SLC24A3: variants seen among roughly 807,000 people sequenced by gnomAD.
The protein encoded by SLC24A3 is solute carrier family 24 member 3.
Under a neutral mutation model 75.8 loss-of-function variants are expected in SLC24A3, and 28 were observed. That is an observed-to-expected ratio of 0.37 (90% CI 0.27 to 0.51). The LOEUF (loss-of-function observed/expected upper bound fraction) is 0.51, where lower values mean the gene tolerates loss of function less well. Ranked by LOEUF, SLC24A3 falls within the 20% of genes least tolerant of loss-of-function variation. The pLI, the probability that SLC24A3 is intolerant of heterozygous loss-of-function variation, is 0.94. For missense variants in SLC24A3, 663 were observed against 847.8 expected (o/e 0.78, Z 2.71); for synonymous variants, 372 against 334.1 (o/e 1.11, Z -1.24).
intron 1 of SLC24A3, among the ~76,000 whole-genome samples, chr20:19,240,449 C>T (rs1982298535): frequency 6.6e-6 from 1 of 152,194 alleles, no homozygotes; most frequent in Non-Finnish European, 1.5e-5. Flanking sequence ...TGACAGGGAA[C>T]TCCAGGGATA....
intron 3 of SLC24A3, among the ~76,000 whole-genome samples, chr20:19,566,455 A>G (rs1456183082): frequency 6.6e-6 from 1 of 152,110 alleles, no homozygotes; most frequent in Non-Finnish European, 1.5e-5. Flanking sequence ...CTCTGACAAC[A>G]CCAGGGACTC....
chr20:19,433,738 A>G (rs542637025), intron 2 of SLC24A3, among the ~76,000 whole-genome samples: 2 of 152,344 alleles, frequency 1.3e-5, no homozygotes, highest in South Asian at 4.1e-4. Context: ...AGCAATTTCA[A>G]AAGGTGAGTC....
intron 6 of SLC24A3, among the ~76,000 whole-genome samples, chr20:19,594,276 G>A (rs2031421938): frequency 6.6e-6 from 1 of 152,196 alleles, no homozygotes; most frequent in South Asian, 2.1e-4. Flanking sequence ...TCACCATGTA[G>A]GGAGTGACAG....
intron 2 of SLC24A3, among the ~76,000 whole-genome samples, chr20:19,455,840 T>C (rs1568623011): frequency 6.6e-6 from 1 of 152,238 alleles, no homozygotes; most frequent in Non-Finnish European, 1.5e-5. Context: ...GGAGGCTAAA[T>C]AATTAGAACT....
At chr20:19,524,145 C>T (rs898997355) in intron 3 of SLC24A3, among the ~76,000 whole-genome samples, 1 of 152,182 alleles carries the variant, frequency 6.6e-6, no homozygotes, top group Non-Finnish European at 1.5e-5. Flanking sequence ...CTTGGTAACA[C>T]ACCTTTATTA....
intron 2 of SLC24A3, among the ~76,000 whole-genome samples, chr20:19,455,060 A>G (rs986027604): frequency 1.3e-5 from 2 of 152,076 alleles, no homozygotes; most frequent in Non-Finnish European, 2.9e-5. Context: ...GTGTCCCCCA[A>G]TACCTAACCC....
At chr20:19,415,869 A>C (rs1348036507) in intron 2 of SLC24A3, among the ~76,000 whole-genome samples, 1 of 152,162 alleles carries the variant, frequency 6.6e-6, no homozygotes, top group African/African-American at 2.4e-5. Flanking sequence ...CTTAAATTAA[A>C]AGGAAAACTC....
intron 6 of SLC24A3, among the ~76,000 whole-genome samples, chr20:19,638,841 G>C (rs780782824): frequency 6.6e-6 from 1 of 152,152 alleles, no homozygotes; most frequent in Non-Finnish European, 1.5e-5. Context: ...GGAGTTGTTC[G>C]TTCCTCCCAG....
chr20:19,656,392 TG>T (rs2032266360), intron 7 of SLC24A3, among the ~76,000 whole-genome samples: 1 of 152,112 alleles, frequency 6.6e-6, no homozygotes, highest in Non-Finnish European at 1.5e-5. Flanking sequence ...AGGTTCATGC[TG>T]GAACTGAAGA....
intron 2 of SLC24A3, among the ~76,000 whole-genome samples, chr20:19,446,167 C>T (rs1987380318): frequency 3.9e-5 from 6 of 152,126 alleles, no homozygotes; most frequent in Admixed American, 3.9e-4. Flanking sequence ...AAGGGAAAGG[C>T]TGTAATGGCA....
chr20:19,270,424 G>A (rs186392402), intron 1 of SLC24A3, among the ~76,000 whole-genome samples: 245 of 152,300 alleles, frequency 1.6e-3, no homozygotes, highest in African/African-American at 5.5e-3. Flanking sequence ...CACAGATTTA[G>A]CAGCTTAAAA....
At chr20:19,318,241 C>A (rs1984628647) in intron 2 of SLC24A3, among the ~76,000 whole-genome samples, 1 of 152,236 alleles carries the variant, frequency 6.6e-6, no homozygotes, top group Non-Finnish European at 1.5e-5. Context: ...GCCTTTCCCC[C>A]TCTCTCTATT....
In SLC24A3 at chr20:19,489,728, G is replaced by A. The variant is rs1179790517; in HGVS notation, c.272-25760G>A. On this transcript the variant is annotated intron_variant, in intron 2 of 16. Transcript: ENST00000328041. ...GTGGCCCTGAGGATCTGTGGGTCCC[G>A]AATTGTCTTTGGAACATCAAAGACA... is the stretch of plus-strand genomic sequence containing the variant. 4.6e-5 allele frequency among the ~76,000 whole-genome samples: 7 copies of A among 152,112 alleles called. No homozygotes were observed. In the East Asian group the frequency reaches 5.8e-4, roughly 13 times the overall value.
intron 2 of SLC24A3, among the ~76,000 whole-genome samples, chr20:19,471,663 GGC>G (rs1987873903): frequency 2.0e-5 from 1 of 49,772 alleles, no homozygotes; most frequent in Non-Finnish European, 7.6e-5. Flanking sequence ...GGTTCAGGAT[GGC>G]TTAGCCCATC....
intron 2 of SLC24A3, among the ~76,000 whole-genome samples, chr20:19,377,553 A>G (rs965022713): frequency 3.3e-5 from 5 of 152,150 alleles, no homozygotes; most frequent in Non-Finnish European, 5.9e-5. Flanking sequence ...TTTTGGGGTA[A>G]TGGGGTAACT....
chr20:19,609,714 T>A (rs986939684), intron 6 of SLC24A3, among the ~76,000 whole-genome samples: 1 of 152,270 alleles, frequency 6.6e-6, no homozygotes, highest in African/African-American at 2.4e-5. Flanking sequence ...TCTTTACTTA[T>A]GCAACTTATT....
At chr20:19,301,475 C>T (rs1984195414) in intron 2 of SLC24A3, among the ~76,000 whole-genome samples, 1 of 152,190 alleles carries the variant, frequency 6.6e-6, no homozygotes, top group Non-Finnish European at 1.5e-5. Context: ...TGCTCTTCTA[C>T]CACATCCTTG....
At chr20:19,582,554 C>T (rs146004148) in intron 4 of SLC24A3, among the ~76,000 whole-genome samples, 128 of 152,302 alleles carry the variant, frequency 8.4e-4, no homozygotes, top group African/African-American at 2.4e-3. Context: ...ATCCAGGATC[C>T]GAAACTGGGG....
intron 1 of SLC24A3, among the ~76,000 whole-genome samples, chr20:19,258,647 A>G (rs1982890742): frequency 6.6e-6 from 1 of 152,198 alleles, no homozygotes; most frequent in African/African-American, 2.4e-5. Flanking sequence ...AGTTGCAGTG[A>G]GCTGAGATCG....
Sources: gnomAD v4.1 joint callset for allele counts (sites outside exome capture counted in the v4.1 genomes callset) on GRCh38, gnomAD v4.1.1 for gene constraint, MANE v1.5 for transcripts, NCBI Gene and HGNC (gene_info 2026-07-23, HGNC 2026-07-21) for gene names.